The following THSD7B variants were observed in gnomAD, a reference collection of about 807,000 sequenced individuals.
THSD7B encodes thrombospondin type 1 domain containing 7B.
THSD7B carries 138 observed loss-of-function variants against 213.6 expected under a neutral mutation model. The ratio of observed to expected loss-of-function variants is 0.65; its 90% CI spans 0.56 to 0.74. The LOEUF is 0.74. Ranked by LOEUF, THSD7B falls within the 30% of genes least tolerant of loss-of-function variation. THSD7B has a pLI of 0.00. For synonymous variants in THSD7B, 742 were observed against 687.0 expected (o/e 1.08, Z -1.25); for missense variants, 1,931 against 1,991.5 (o/e 0.97, Z 0.58).
At chr2:136,926,638 G>A (rs1336169565) in intron 2 of THSD7B, among the ~76,000 whole-genome samples, 3 of 151,748 alleles carry the variant, frequency 2.0e-5, no homozygotes, top group Non-Finnish European at 4.4e-5. Flanking sequence ...AGGCTTCAGT[G>A]AGCCATGATC....
chr2:137,221,460 C>T (rs558366652), intron 7 of THSD7B, among the ~76,000 whole-genome samples: 2 of 152,022 alleles, frequency 1.3e-5, no homozygotes, highest in East Asian at 1.9e-4. Context: ...TATACAACTA[C>T]AAAGAGTGAA....
At chr2:137,266,704 C>T (rs778544944) in intron 10 of THSD7B, among the ~76,000 whole-genome samples, 34 of 152,290 alleles carry the variant, frequency 2.2e-4, no homozygotes, top group Non-Finnish European at 3.5e-4. Context: ...ATTGCTGGTA[C>T]ATAGCTATCC....
intron 12 of THSD7B, among the ~76,000 whole-genome samples, chr2:137,367,638 A>G (rs1436592756): frequency 6.6e-6 from 1 of 152,056 alleles, no homozygotes; most frequent in Non-Finnish European, 1.5e-5. Flanking sequence ...AACACCACAG[A>G]CTGAGTGGCA....
At chr2:137,049,533 A>G (rs1272195011) in intron 2 of THSD7B, among the ~76,000 whole-genome samples, 3 of 152,182 alleles carry the variant, frequency 2.0e-5, no homozygotes, top group African/African-American at 7.2e-5. Context: ...AAAAACAAAA[A>G]CAGAAATAAT....
chr2:137,158,359 C>T (rs1397621711), intron 5 of THSD7B, among the ~76,000 whole-genome samples: 1 of 152,086 alleles, frequency 6.6e-6, no homozygotes, highest in Non-Finnish European at 1.5e-5. Flanking sequence ...GTTTGATTGC[C>T]ACCTCTTCTC....
chr2:136,877,794 A>G (rs901109736), intron 1 of THSD7B, among the ~76,000 whole-genome samples: 3 of 152,162 alleles, frequency 2.0e-5, no homozygotes, highest in African/African-American at 4.8e-5. Flanking sequence ...TATAAATCCC[A>G]ACAGTGCTTG....
At chr2:137,040,455 G>T (rs553813889) in intron 2 of THSD7B, among the ~76,000 whole-genome samples, 1 of 150,284 alleles carries the variant, frequency 6.7e-6, no homozygotes, top group African/African-American at 2.5e-5. Context: ...GTGCAATGGC[G>T]CAATCTTGGC....
chr2:136,788,312 C>T (rs988870904), intron 1 of THSD7B, among the ~76,000 whole-genome samples: 1 of 152,150 alleles, frequency 6.6e-6, no homozygotes, highest in African/African-American at 2.4e-5. Flanking sequence ...TATGGTTCTG[C>T]TCTGAGGTTA....
Position 137,034,359 on chromosome 2 carries a change from C to T in THSD7B, c.140-22061C>T, listed in dbSNP as rs1289305376. On this transcript the variant is annotated intron_variant, in intron 2 of 27. Transcript: ENST00000409968. ...GACCTCGTGATCTGCCCGTCTCAGCCTCCCAAAGTGCTGGGATTACAAGCG... is the reference window on the plus strand; with the variant it reads ...GACCTCGTGATCTGCCCGTCTCAGCTTCCCAAAGTGCTGGGATTACAAGCG... Among the ~76,000 whole-genome samples, 8 of 152,254 alleles carry T rather than the reference C, an allele frequency of 5.3e-5. No individual in the cohort carries two copies. The East Asian group carries it at 1.2e-3, about 22-fold the overall frequency.
At chr2:137,612,124 A>G (rs1682300390) in intron 17 of THSD7B, among the ~76,000 whole-genome samples, 1 of 152,230 alleles carries the variant, frequency 6.6e-6, no homozygotes, top group Non-Finnish European at 1.5e-5. Flanking sequence ...GAAATGCTAA[A>G]TTGAAACATA....
At chr2:136,821,762 C>A (rs1190653429) in intron 1 of THSD7B, among the ~76,000 whole-genome samples, 3 of 152,164 alleles carry the variant, frequency 2.0e-5, no homozygotes, top group Admixed American at 6.5e-5. Flanking sequence ...TCTGCTCCAG[C>A]TCCAAACTCA....
At chr2:137,344,497 C>G (rs549039509) in intron 12 of THSD7B, among the ~76,000 whole-genome samples, 1 of 151,660 alleles carries the variant, frequency 6.6e-6, no homozygotes, top group South Asian at 2.1e-4. Context: ...GCAGGCTGGC[C>G]CACTTTTAAG....
At chr2:137,278,197 C>T (rs979528789) in intron 12 of THSD7B, among the ~76,000 whole-genome samples, 1 of 152,006 alleles carries the variant, frequency 6.6e-6, no homozygotes, top group Non-Finnish European at 1.5e-5. Context: ...GAAAAATACT[C>T]ATTAAGGAGC....
intron 12 of THSD7B, among the ~76,000 whole-genome samples, chr2:137,369,487 C>A (rs551814772): frequency 6.6e-6 from 1 of 152,240 alleles, no homozygotes; most frequent in South Asian, 2.1e-4. Context: ...TAATGCTACT[C>A]TCCTAGAAAT....
chr2:137,102,326 A>C (rs939243673), intron 4 of THSD7B, among the ~76,000 whole-genome samples: 2 of 152,130 alleles, frequency 1.3e-5, no homozygotes, highest in Non-Finnish European at 2.9e-5. Context: ...TAACAAACAA[A>C]AAGGAATAGC....
At chr2:137,196,209 T>A (rs1054230350) in intron 7 of THSD7B, among the ~76,000 whole-genome samples, 1 of 152,176 alleles carries the variant, frequency 6.6e-6, no homozygotes, top group Non-Finnish European at 1.5e-5. Context: ...CAGATGACGC[T>A]GGAGAAAACA....
At chr2:137,013,231 T>G (rs1216320669) in intron 2 of THSD7B, among the ~76,000 whole-genome samples, 5 of 152,168 alleles carry the variant, frequency 3.3e-5, no homozygotes, top group Middle Eastern at 6.8e-3. Context: ...TCAAATAAAT[T>G]GACAAAATAT....
intron 2 of THSD7B, among the ~76,000 whole-genome samples, chr2:136,933,108 A>ATTCATTCATTCC (rs1332713279): frequency 7.7e-6 from 1 of 130,694 alleles, no homozygotes; most frequent in Admixed American, 7.5e-5. Flanking sequence ...TTTGCCCGCC[A>ATTCATTCATTCC]TTCCTTCCTT....
chr2:136,934,518 A>G (rs529996775), intron 2 of THSD7B, among the ~76,000 whole-genome samples: 275 of 152,312 alleles, frequency 1.8e-3, no homozygotes, highest in South Asian at 3.7e-3. Flanking sequence ...ATCATTGCAT[A>G]AACAAATTAT....
Sources: allele counts gnomAD v4.1 joint callset (sites outside exome capture counted in the v4.1 genomes callset), GRCh38; gene constraint gnomAD v4.1.1; transcripts MANE v1.5; gene names NCBI Gene and HGNC (gene_info 2026-07-23, HGNC 2026-07-21).